SLC35E4: variants seen among roughly 807,000 people sequenced by gnomAD.
SLC35E4 encodes solute carrier family 35, member E4.
Under a neutral mutation model 19.3 loss-of-function variants are expected in SLC35E4, and 15 were observed. The observed-to-expected ratio is 0.78, with a 90% CI of 0.52 to 1.20. SLC35E4 has a LOEUF of 1.20. Among genes scored for constraint, SLC35E4 ranks in the 50% most tolerant of loss-of-function variants. SLC35E4 has a pLI of 0.00. For synonymous variants in SLC35E4, 219 were observed against 219.9 expected, an observed-to-expected ratio of 1.00 and a Z score of 0.04; for missense variants, 406 against 472.3, an observed-to-expected ratio of 0.86 and a Z score of 1.30.
At chr22:30,639,379 G>A (rs907015035) in intron 1 of SLC35E4, among the ~76,000 whole-genome samples, 1 of 152,156 alleles carries the variant, frequency 6.6e-6, no homozygotes, top group African/African-American at 2.4e-5. Flanking sequence ...TAGGACCGGG[G>A]TGAAATTAAA....
downstream of SLC35E4, among the ~76,000 whole-genome samples, chr22:30,648,298 C>T (rs1332464411): frequency 1.3e-5 from 2 of 152,130 alleles, no homozygotes; most frequent in South Asian, 2.1e-4. Context: ...CCAGCCTCAC[C>T]GACTTCTTTC....
chr22:30,659,709 CT>C (rs1294042155), intron 2 of SLC35E4, among the ~76,000 whole-genome samples: 2 of 152,196 alleles, frequency 1.3e-5, no homozygotes, highest in African/African-American at 4.8e-5. Flanking sequence ...AATGATGTTT[CT>C]GACCTATTCC....
chr22:30,639,297 CAG>C (rs945186558), intron 1 of SLC35E4, among the ~76,000 whole-genome samples: 15 of 152,098 alleles, frequency 9.9e-5, no homozygotes, highest in African/African-American at 3.6e-4. Flanking sequence ...ATGTGGGTCA[CAG>C]AGACCACGTG....
chr22:30,664,176 C>T (rs2088572449), downstream of SLC35E4: 1 of 626,218 alleles, frequency 1.6e-6, no homozygotes, highest in Non-Finnish European at 2.8e-6. Context: ...TAGCATTCCC[C>T]AAGGCAGTCC....
At position 30,643,675 on chromosome 22, in the gene SLC35E4, C is replaced by T. The variant is rs987206767; in HGVS notation, c.620-2923C>T. 4.7e-4 allele frequency among the ~76,000 whole-genome samples: 71 copies of T among 152,038 alleles called. 1 individual carries two copies. Among genetic ancestry groups the T allele is most frequent in the Non-Finnish European group, 6.2e-4 (42 of 68,014 alleles). On this transcript the variant is annotated intron_variant, in intron 1 of 1. Coordinates refer to ENST00000343605, the MANE Select transcript of SLC35E4 (RefSeq NM_001001479.4). ...GTTCAGCACCTCACATGTGAGGGGG[C>T]TGTTGCTACCCGAGCCACACGACTT...
At chr22:30,651,014 G>C (rs2088199765), downstream of SLC35E4, among the ~76,000 whole-genome samples, 1 of 148,018 alleles carries the variant, frequency 6.8e-6, no homozygotes, top group Admixed American at 6.8e-5. Flanking sequence ...CAAGGATTGT[G>C]AGTCCTTGTT....
chr22:30,644,604 G>A (rs2088098389), intron 1 of SLC35E4, among the ~76,000 whole-genome samples: 1 of 152,112 alleles, frequency 6.6e-6, no homozygotes, highest in Non-Finnish European at 1.5e-5. Flanking sequence ...AATTTTCAGG[G>A]GTGATGGTGC....
downstream of SLC35E4, among the ~76,000 whole-genome samples, chr22:30,652,713 T>A (rs899759476): frequency 6.6e-6 from 1 of 152,254 alleles, no homozygotes; most frequent in African/African-American, 2.4e-5. Context: ...GGCTTCTCCA[T>A]AGGGCCCCTT....
At chr22:30,649,445 C>T (rs2088177778), downstream of SLC35E4, among the ~76,000 whole-genome samples, 1 of 152,162 alleles carries the variant, frequency 6.6e-6, no homozygotes, top group Admixed American at 6.5e-5. Flanking sequence ...GACCACAGTG[C>T]CAGCAAGTGC....
chr22:30,654,578 CT>C, intron 2 of SLC35E4: 1 of 458,502 alleles, frequency 2.2e-6, no homozygotes, highest in Admixed American at 2.4e-5. Flanking sequence ...GAAGATGCGG[CT>C]GGGGACCCGG....
chr22:30,663,934 T>C (rs2088564361), downstream of SLC35E4: 1 of 1,614,048 alleles, frequency 6.2e-7, no homozygotes, highest in African/African-American at 1.3e-5. Context: ...AGGCTTTTGG[T>C]TATCTGCGAG....
At chr22:30,651,597 A>G (rs923392418), downstream of SLC35E4, among the ~76,000 whole-genome samples, 1 of 151,396 alleles carries the variant, frequency 6.6e-6, no homozygotes, top group Non-Finnish European at 1.5e-5. Context: ...ACATTTCTTG[A>G]TAAGTAGACC....
rs542322565 is a variant in SLC35E4, at chr22:30,645,851, C to T, written c.620-747C>T. Among the ~76,000 whole-genome samples, 62 of 142,776 alleles carry T rather than the reference C, an allele frequency of 4.3e-4. 1 individual carries two copies. The South Asian group carries it at 0.013, about 30-fold the overall frequency. The allele number at this position is 142,776 out of a possible 152,430, so 93.7% of individuals were successfully genotyped here. A position where few individuals can be genotyped will look rare whatever the true frequency, so the allele number is the denominator to read the frequency against. On this transcript the variant is annotated intron_variant, in intron 1 of 1. Transcript: ENST00000343605. ...TTTTTTTTTTTTTAAGACAGGGTCT[C>T]GCTCTGTTGCCCAGGCTGGAGTGCA...
chr22:30,649,683 C>T (rs1308288935), downstream of SLC35E4, among the ~76,000 whole-genome samples: 1 of 149,658 alleles, frequency 6.7e-6, no homozygotes, highest in Admixed American at 6.7e-5. Context: ...CCTCCACTCT[C>T]AGGCTTTGCC....
downstream of SLC35E4, chr22:30,665,244 T>A (rs1260091898): frequency 5.4e-6 from 1 of 184,316 alleles, no homozygotes; most frequent in Non-Finnish European, 1.2e-5. Flanking sequence ...CAAAGTTTTG[T>A]TTCCCTGCTT....
downstream of SLC35E4, chr22:30,649,132 C>A (rs1302760583): frequency 2.7e-5 from 19 of 715,106 alleles, no homozygotes; most frequent in Non-Finnish European, 4.9e-5. Context: ...CTGCTCTGCC[C>A]ACCTGACTGG....
chr22:30,640,028 C>A (rs2088013811), intron 1 of SLC35E4, among the ~76,000 whole-genome samples: 1 of 152,144 alleles, frequency 6.6e-6, no homozygotes, highest in Admixed American at 6.6e-5. Context: ...TAAGAAATTA[C>A]AAAAGTATTA....
At chr22:30,663,344 T>A, downstream of SLC35E4, 1 of 1,298,230 alleles carries the variant, frequency 7.7e-7, no homozygotes, top group Middle Eastern at 2.1e-4. Flanking sequence ...TTTTTCTGTA[T>A]CAACAAAAGT....
downstream of SLC35E4, among the ~76,000 whole-genome samples, chr22:30,666,488 G>A (rs1450044488): frequency 2.0e-5 from 3 of 152,036 alleles, no homozygotes; most frequent in Non-Finnish European, 4.4e-5. Flanking sequence ...CAGGCGTGGT[G>A]GCATGGGCCT....
Sources: allele counts gnomAD v4.1 joint callset (sites outside exome capture counted in the v4.1 genomes callset), GRCh38; gene constraint gnomAD v4.1.1; transcripts MANE v1.5; gene names NCBI Gene and HGNC (gene_info 2026-07-23, HGNC 2026-07-21).